RALY: variants seen among roughly 807,000 people sequenced by gnomAD.
RALY encodes RNA-binding protein Raly.
In RALY, 15 loss-of-function variants were observed where a neutral mutation model predicts 30.7. The observed-to-expected ratio is 0.49, with a 90% CI of 0.33 to 0.75. RALY has a LOEUF of 0.75. RALY is among the 30% of genes least tolerant of loss of function. The pLI is 0.02. For missense variants in RALY, 339 were observed against 414.3 expected, an observed-to-expected ratio of 0.82 and a Z score of 1.58; for synonymous variants, 177 against 170.8, an observed-to-expected ratio of 1.04 and a Z score of -0.28.
At chr20:34,020,727 C>T (rs1026980885) in intron 1 of RALY, among the ~76,000 whole-genome samples, 1 of 152,156 alleles carries the variant, frequency 6.6e-6, no homozygotes, top group Non-Finnish European at 1.5e-5. Context: ...ACTATGGTAG[C>T]CCACAAAGCC....
intron 2 of RALY, among the ~76,000 whole-genome samples, chr20:34,056,058 TACA>T (rs1262977950): frequency 6.6e-6 from 1 of 152,138 alleles, no homozygotes; most frequent in African/African-American, 2.4e-5. Context: ...CTGGGCTGCG[TACA>T]ACATCAGAAC....
chr20:34,016,172 C>G (rs1317245894), intron 1 of RALY, among the ~76,000 whole-genome samples: 1 of 152,206 alleles, frequency 6.6e-6, no homozygotes, highest in Non-Finnish European at 1.5e-5. Context: ...TTCTTTATAC[C>G]CAGGTGCTGT....
chr20:34,025,899 G>GTTTTTTTT lies in RALY; in HGVS notation c.-92-5608_-92-5601dup, dbSNP rs35827160. Among the ~76,000 whole-genome samples, 18 of 75,918 alleles carry GTTTTTTTT rather than the reference G, an allele frequency of 2.4e-4. 2 individuals carry two copies. Among genetic ancestry groups the GTTTTTTTT allele is most frequent in the South Asian group, 1.3e-3 (2 of 1,552 alleles). 49.8% of individuals were successfully genotyped at this position (75,918 alleles called of 152,430 possible). A position where few individuals can be genotyped will look rare whatever the true frequency, so the allele number is the denominator to read the frequency against. On this transcript the variant is annotated intron_variant, in intron 1 of 9. Transcript: ENST00000246194. ...AGCTTCCAGCAGTAGATTCCTGGTT[G>GTTTTTTTT]TTTTTTTTTTTTTTTTTTTTTTGTG...
chr20:34,065,867 A>G (rs955367728), intron 2 of RALY, among the ~76,000 whole-genome samples: 1 of 152,192 alleles, frequency 6.6e-6, no homozygotes, highest in African/African-American at 2.4e-5. Flanking sequence ...CAGAGACTAT[A>G]AATAGCATTG....
intron 8 of RALY, chr20:34,077,557 G>C (rs1301868781): frequency 2.1e-6 from 1 of 480,172 alleles, no homozygotes; most frequent in Non-Finnish European, 3.7e-6. Context: ...GGCCTGCAGA[G>C]CTTCAGAGCA....
chr20:34,044,361 TA>T (rs1205926523), intron 2 of RALY, among the ~76,000 whole-genome samples: 1 of 152,162 alleles, frequency 6.6e-6, no homozygotes, highest in African/African-American at 2.4e-5. Context: ...GTTTTTCTCT[TA>T]TTGCCCAGAC....
chr20:34,005,039 G>A (rs1340034899), intron 1 of RALY, among the ~76,000 whole-genome samples: 1 of 152,144 alleles, frequency 6.6e-6, no homozygotes, highest in African/African-American at 2.4e-5. Flanking sequence ...GGAAAATAGG[G>A]TGGCCCTGCC....
chr20:34,041,586 C>T (rs1303961517), intron 2 of RALY, among the ~76,000 whole-genome samples: 1 of 152,202 alleles, frequency 6.6e-6, no homozygotes, highest in Non-Finnish European at 1.5e-5. Flanking sequence ...CCTCTTGTCC[C>T]CCTCCTCACT....
rs781197877 is a variant in RALY at position 34,000,328 on chromosome 20, TG to T, written c.-93+6204del. On this transcript the variant is annotated intron_variant, in intron 1 of 9. Transcript: ENST00000246194. Reference sequence around the variant, plus strand: ...AGCCCTGTTTCCTCATAAAATCATCTGGGGGGGTCCCTGAAATTCTATAAAG... The same window carrying T: ...AGCCCTGTTTCCTCATAAAATCATCTGGGGGGTCCCTGAAATTCTATAAAG... Among the ~76,000 whole-genome samples, 8 of 150,362 alleles carry T rather than the reference TG, an allele frequency of 5.3e-5. No individual in the cohort carries two copies. In the East Asian group the frequency reaches 1.4e-3, roughly 26 times the overall value.
chr20:34,017,810 C>G (rs761291157), intron 1 of RALY: 2 of 152,198 alleles, frequency 1.3e-5, no homozygotes, highest in Non-Finnish European at 1.5e-5. Flanking sequence ...TCAACAGATA[C>G]TTGTTGAGTG....
intron 1 of RALY, among the ~76,000 whole-genome samples, chr20:34,023,998 G>A (rs1023064601): frequency 6.6e-6 from 1 of 152,188 alleles, no homozygotes; most frequent in East Asian, 1.9e-4. Flanking sequence ...ATTATCAGGA[G>A]TTCGAGACCA....
At chr20:34,026,487 C>T (rs2032042512) in intron 1 of RALY, among the ~76,000 whole-genome samples, 1 of 151,674 alleles carries the variant, frequency 6.6e-6, no homozygotes, top group Non-Finnish European at 1.5e-5. Flanking sequence ...ACTGCAAGCT[C>T]CGCCTCCCGG....
At chr20:34,004,866 T>TAAA (rs2122988341) in intron 1 of RALY, among the ~76,000 whole-genome samples, 1 of 152,342 alleles carries the variant, frequency 6.6e-6, no homozygotes, top group East Asian at 1.9e-4. Context: ...TGCCATTTCT[T>TAAA]TGTCAGCTTT....
At chr20:34,024,284 T>G (rs1160922185) in intron 1 of RALY, among the ~76,000 whole-genome samples, 1 of 152,160 alleles carries the variant, frequency 6.6e-6, no homozygotes, top group Non-Finnish European at 1.5e-5. Flanking sequence ...AGATTCTCAC[T>G]TCCAGCTCAA....
chr20:34,066,180 T>C (rs2033564908), intron 2 of RALY, among the ~76,000 whole-genome samples: 1 of 151,532 alleles, frequency 6.6e-6, no homozygotes. Flanking sequence ...TTTTTTTTTT[T>C]TTTTTTTTCA....
chr20:34,066,066 G>A (rs2085239402), intron 2 of RALY, among the ~76,000 whole-genome samples: 1 of 152,008 alleles, frequency 6.6e-6, no homozygotes, highest in Admixed American at 6.6e-5. Context: ...TTGAGACAGT[G>A]GAATGGAGAG....
At chr20:34,036,416 T>C (rs2032498611) in intron 2 of RALY, among the ~76,000 whole-genome samples, 1 of 152,242 alleles carries the variant, frequency 6.6e-6, no homozygotes, top group Admixed American at 6.5e-5. Flanking sequence ...CAACTTCACA[T>C]TCCTAGAATA....
At chr20:34,016,343 TG>T (rs1402070070) in intron 1 of RALY, 2 of 152,228 alleles carry the variant, frequency 1.3e-5, no homozygotes, top group South Asian at 2.1e-4. Context: ...AGTATAATGA[TG>T]GGGGTAGGGG....
chr20:34,002,007 T>A (rs997456492), intron 1 of RALY, among the ~76,000 whole-genome samples: 38 of 152,194 alleles, frequency 2.5e-4, no homozygotes, highest in African/African-American at 8.4e-4. Flanking sequence ...GACCTGGTGA[T>A]CTGCCCACCT....
Sources: gnomAD v4.1 joint callset for allele counts (sites outside exome capture counted in the v4.1 genomes callset) on GRCh38, gnomAD v4.1.1 for gene constraint, MANE v1.5 for transcripts, NCBI Gene and HGNC (gene_info 2026-07-23, HGNC 2026-07-21) for gene names.